The following NRK variants were observed in gnomAD, a reference collection of about 807,000 sequenced individuals.
NRK encodes the protein Nik related kinase, also known as nik-related protein kinase.
Under a neutral mutation model 125.2 loss-of-function variants are expected in NRK, and 67 were observed. The ratio of observed to expected loss-of-function variants is 0.54; its 90% CI spans 0.44 to 0.66. The LOEUF is 0.66. NRK is among the 30% of genes least tolerant of loss of function. The pLI is 0.00. For synonymous variants in NRK, 458 were observed against 429.0 expected (o/e 1.07, Z -0.84); for missense variants, 1,224 against 1,192.9 (o/e 1.03, Z -0.38).
rs752089652 is a variant in NRK at position 105,952,528 on chromosome X, A to T, written c.4514-506A>T. On this transcript the variant is annotated intron_variant, in intron 27 of 28. Coordinates refer to ENST00000243300, the MANE Select transcript of NRK (RefSeq NM_198465.4). Reference sequence around the variant, plus strand: ...TAGCTTTGGTTCTGCTTACAACATGATAATTTATTGAATTGCATTAGGGTT... The same window carrying T: ...TAGCTTTGGTTCTGCTTACAACATGTTAATTTATTGAATTGCATTAGGGTT... Among the ~76,000 whole-genome samples the T allele has an allele frequency of 1.1e-4, 12 of 112,351 alleles. No homozygotes were observed. In the South Asian group the frequency reaches 4.4e-3, roughly 41 times the overall value.
rs749435389 is a variant in NRK at position 105,926,845 on chromosome X, G to A, written c.3312+1814G>A. Among the ~76,000 whole-genome samples the A allele has an allele frequency of 2.7e-5, 3 of 110,986 alleles. No individual in the cohort carries two copies. In the East Asian group the frequency reaches 8.6e-4, roughly 32 times the overall value. On this transcript the variant is annotated intron_variant, in intron 19 of 28. Transcript: ENST00000243300. ...GATCTATTTATGGGTCCTTTATACCGTTCCATTGGTATGTGTGTCTGTTTT... is the reference window on the plus strand; with the variant it reads ...GATCTATTTATGGGTCCTTTATACCATTCCATTGGTATGTGTGTCTGTTTT...
intron 2 of NRK, among the ~76,000 whole-genome samples, chrX:105,831,827 C>A (rs2039196880): frequency 9.0e-6 from 1 of 111,318 alleles, no homozygotes; most frequent in Non-Finnish European, 1.9e-5. Context: ...ATGGATTCAA[C>A]CAACATTGTA....
At position 105,945,914 on chromosome X, in the gene NRK, T is replaced by A. The variant is rs2040805698; in HGVS notation, c.4102T>A (p.Ser1368Thr). 1 of 1,205,625 alleles carries A rather than the reference T, an allele frequency of 8.3e-7. No individual in the cohort carries two copies. Among genetic ancestry groups the A allele is most frequent in the African/African-American group, 1.8e-5 (1 of 57,026 alleles). ...QSADSEGDYM[S>T]YQAYIRILAK... ...AGCAGACTCTGAAGGAGACTACATG[T>A]CCTATCAAGCCTATATACGAATACT... The change falls in exon 25 of 29, where the codon TCC becomes ACC. Residue 1368 changes from serine (S) to threonine (T), a missense_variant. Ser to Thr is a moderately conservative substitution (Grantham distance 58). Coordinates refer to ENST00000243300, the MANE Select transcript of NRK (RefSeq NM_198465.4).
chrX:105,909,340 G>T lies in NRK; in HGVS notation c.1699G>T (p.Glu567Ter). ...GCCAGAGGTACAGGAACAGGCTGCC[G>T]AGCCTGCACAGGCAGAGACTGAGGC... ...EQPEVQEQAA[E>*]PAQAETEAEE... The change falls in exon 13 of 29, where the codon GAG (glutamate) becomes TAG (stop). Residue 567 changes from glutamate to a stop codon, truncating the protein, a stop_gained. Coordinates refer to ENST00000243300, the MANE Select transcript of NRK (RefSeq NM_198465.4). LOFTEE classifies it high-confidence loss of function. 1 of 1,205,865 alleles carries T rather than the reference G, an allele frequency of 8.3e-7. No homozygotes were observed. Among genetic ancestry groups the T allele is most frequent in the Non-Finnish European group, 1.1e-6 (1 of 891,409 alleles).
intron 2 of NRK, among the ~76,000 whole-genome samples, chrX:105,850,305 A>G (rs1602606883): frequency 8.9e-6 from 1 of 111,793 alleles, no homozygotes; most frequent in African/African-American, 3.2e-5. Flanking sequence ...CACACAGCAC[A>G]GGGACCCTGG....
At chrX:105,857,142 T>C (rs1169199566) in intron 2 of NRK, among the ~76,000 whole-genome samples, 1 of 111,956 alleles carries the variant, frequency 8.9e-6, no homozygotes, top group Non-Finnish European at 1.9e-5. Context: ...TGATTCATTT[T>C]CTTTCTTAAA....
intron 28 of NRK, 139 bp from the exon 29 acceptor site, chrX:105,955,366 A>T (rs1398820846): frequency 2.7e-6 from 1 of 369,670 alleles, no homozygotes; most frequent in African/African-American, 2.5e-5. Context: ...TCATTCTTTC[A>T]TTTGAAAAAC....
At chrX:105,830,313 G>A (rs1318914216) in intron 1 of NRK, among the ~76,000 whole-genome samples, 2 of 11,960 alleles carry the variant, frequency 1.7e-4, no homozygotes, top group African/African-American at 3.0e-4. Context: ...AAACTCCGTC[G>A]CAAAAAAAAA....
intron 9 of NRK, 56 bp from the exon 10 acceptor site, chrX:105,905,209 T>TAAC: frequency 1.2e-6 from 1 of 859,063 alleles, no homozygotes; most frequent in South Asian, 2.1e-5. Context: ...GAATAAGGAG[T>TAAC]GTGTTCTTTA....
At chrX:105,941,995 T>C (rs1480939079) in intron 23 of NRK, among the ~76,000 whole-genome samples, 1 of 111,515 alleles carries the variant, frequency 9.0e-6, no homozygotes, top group African/African-American at 3.3e-5. Context: ...TTTCTTTCTC[T>C]ATTGATTTGC....
rs752456065 is a variant in NRK at position 105,943,910 on chromosome X, A to T, written c.3959-31A>T. On this transcript the variant is annotated intron_variant, in intron 23 of 28. Transcript: ENST00000243300. ...CTTGAGTGTTCTTGTTAACTGTGGCATCGTTACTTTTTTGTGTTTTATCAT... is the reference window on the plus strand; with the variant it reads ...CTTGAGTGTTCTTGTTAACTGTGGCTTCGTTACTTTTTTGTGTTTTATCAT... The T allele has an allele frequency of 6.8e-6, 5 of 730,502 alleles. No individual in the cohort carries two copies. The Middle Eastern group carries it at 9.4e-4, about 137-fold the overall frequency. The allele number at this position is 730,502 out of a possible 1,213,427, so 60.2% of individuals were successfully genotyped here.
chrX:105,902,105 T>C (rs2040166164), intron 9 of NRK, among the ~76,000 whole-genome samples: 1 of 110,769 alleles, frequency 9.0e-6, no homozygotes, highest in African/African-American at 3.3e-5. Flanking sequence ...GTCACCTTCG[T>C]TTGTTTCACT....
chrX:105,885,164 A>G lies in NRK; in HGVS notation c.253-3130A>G, dbSNP rs764322608. 8.0e-5 allele frequency among the ~76,000 whole-genome samples: 9 copies of G among 112,446 alleles called. No individual in the cohort carries two copies. The East Asian group carries it at 2.2e-3, about 28-fold the overall frequency. On this transcript the variant is annotated intron_variant, in intron 4 of 28. Transcript: ENST00000243300. ...ATAAGAATATTTCTTAATAATTTTT[A>G]TAAATTGAACTATTATAGATGAAAT...
intron 5 of NRK, among the ~76,000 whole-genome samples, chrX:105,890,268 A>G (rs897516763): frequency 9.0e-6 from 1 of 111,286 alleles, no homozygotes; most frequent in African/African-American, 3.3e-5. Context: ...CCTGAACCAT[A>G]TTGTCCGTAT....
chrX:105,950,527 AGTGTGTGTGTGTGTGTGTGTGTGT>A (rs56383254), intron 27 of NRK, among the ~76,000 whole-genome samples: 8 of 77,977 alleles, frequency 1.0e-4, no homozygotes, highest in East Asian at 4.5e-4. Flanking sequence ...AAAAGGCAGC[AGTGTGTGTGTGTGTGTGTGTGTGT>A]GTGTGTGTGT....
chrX:105,917,776 A>G (rs771672449), intron 16 of NRK, 104 bp downstream of exon 16: 1 of 454,126 alleles, frequency 2.2e-6, no homozygotes, highest in Non-Finnish European at 3.6e-6. Flanking sequence ...GAATGAATCA[A>G]AAGTGTCAGG....
chrX:105,861,835 G>T (rs974053953), intron 2 of NRK, among the ~76,000 whole-genome samples: 5 of 111,381 alleles, frequency 4.5e-5, no homozygotes, highest in African/African-American at 1.6e-4. Context: ...AAGGCGGGCA[G>T]ATCATGAGGT....
chrX:105,844,021 G>GTC (rs1264526902), intron 2 of NRK, among the ~76,000 whole-genome samples: 22 of 76,005 alleles, frequency 2.9e-4, no homozygotes, highest in African/African-American at 1.1e-3. Context: ...GTGTGTGTCT[G>GTC]TGTGTGTGTG....
At chrX:105,905,942 C>A (rs2040213769) in intron 10 of NRK, among the ~76,000 whole-genome samples, 1 of 112,151 alleles carries the variant, frequency 8.9e-6, no homozygotes, top group Admixed American at 9.4e-5. Flanking sequence ...CATCTGTTTT[C>A]ATGGGTCATT....
Sources: gnomAD v4.1 joint callset for allele counts (sites outside exome capture counted in the v4.1 genomes callset) on GRCh38, gnomAD v4.1.1 for gene constraint, MANE v1.5 for transcripts, NCBI Gene and HGNC (gene_info 2026-07-23, HGNC 2026-07-21) for gene names.